The following SHTN1 variants were observed in gnomAD, a reference collection of about 807,000 sequenced individuals.
SHTN1 encodes shootin 1.
Under a neutral mutation model 83.1 loss-of-function variants are expected in SHTN1, and 42 were observed. The observed-to-expected ratio is 0.51, with a 90% CI of 0.39 to 0.65. The LOEUF (loss-of-function observed/expected upper bound fraction) is 0.65. Among genes scored for constraint, SHTN1 ranks in the 30% least tolerant of loss-of-function variants. SHTN1 has a pLI of 0.00. For synonymous variants in SHTN1, 224 were observed against 247.7 expected (o/e 0.90, Z 0.90); for missense variants, 622 against 737.8 (o/e 0.84, Z 1.82).
chr10:117,039,909 C>T (rs538650511), intron 2 of SHTN1, among the ~76,000 whole-genome samples: 3 of 150,842 alleles, frequency 2.0e-5, no homozygotes, highest in African/African-American at 4.9e-5. Context: ...TGAGAGCAGA[C>T]GGTGTTTGGG....
intron 1 of SHTN1, among the ~76,000 whole-genome samples, chr10:116,996,266 T>C (rs1220834110): frequency 6.6e-6 from 1 of 152,194 alleles, no homozygotes. Flanking sequence ...CTACCTGCAA[T>C]CTGGAATGGA....
intron 6 of SHTN1, among the ~76,000 whole-genome samples, chr10:116,951,377 C>T (rs1008977486): frequency 9.9e-5 from 15 of 152,178 alleles, no homozygotes; most frequent in East Asian, 5.8e-4. Flanking sequence ...GAGCTGTGAT[C>T]ATGCCACTGC....
intron 2 of SHTN1, among the ~76,000 whole-genome samples, chr10:117,022,631 CAT>C (rs1396912979): frequency 1.3e-5 from 2 of 152,136 alleles, no homozygotes; most frequent in Admixed American, 6.5e-5. Flanking sequence ...TATCTTAAAA[CAT>C]GTGTAGGCCG....
chr10:117,007,844 C>T (rs1470129325), upstream of SHTN1, among the ~76,000 whole-genome samples: 4 of 151,776 alleles, frequency 2.6e-5, no homozygotes, highest in Non-Finnish European at 5.9e-5. Flanking sequence ...AACCCTGTCT[C>T]TACTAAAAAT....
intron 3 of SHTN1, among the ~76,000 whole-genome samples, chr10:116,964,741 G>A (rs1850328551): frequency 6.6e-6 from 1 of 152,198 alleles, no homozygotes; most frequent in Non-Finnish European, 1.5e-5. Context: ...CCAGCACTTT[G>A]GGAGGCCAAG....
intron 1 of SHTN1, among the ~76,000 whole-genome samples, chr10:117,101,590 G>T (rs546657774): frequency 6.6e-6 from 1 of 152,250 alleles, no homozygotes; most frequent in African/African-American, 2.4e-5. Context: ...CATCTTCTAT[G>T]GTCTCATGAG....
At chr10:116,949,570 C>T (rs1849704372) in intron 6 of SHTN1, among the ~76,000 whole-genome samples, 1 of 152,164 alleles carries the variant, frequency 6.6e-6, no homozygotes, top group African/African-American at 2.4e-5. Context: ...ATGTAAATGA[C>T]AAGTTAATGG....
chr10:117,114,670 C>T (rs1853818953), intron 1 of SHTN1, among the ~76,000 whole-genome samples: 1 of 152,288 alleles, frequency 6.6e-6, no homozygotes, highest in South Asian at 2.1e-4. Flanking sequence ...TGCTCTTCTA[C>T]ACTTCAGCTC....
intron 16 of SHTN1, among the ~76,000 whole-genome samples, chr10:116,892,027 T>C (rs1049800741): frequency 2.6e-5 from 4 of 152,198 alleles, no homozygotes; most frequent in Non-Finnish European, 5.9e-5. Flanking sequence ...CATCAGCCTC[T>C]AGATGCTGAT....
At chr10:116,974,242 A>G in intron 2 of SHTN1, 1 of 552,856 alleles carries the variant, frequency 1.8e-6, no homozygotes, top group Non-Finnish European at 2.3e-6. Context: ...TTAATAAGAG[A>G]CTCATTTTCA....
chr10:116,933,127 C>T (rs1193322170), intron 9 of SHTN1, among the ~76,000 whole-genome samples: 1 of 152,080 alleles, frequency 6.6e-6, no homozygotes, highest in African/African-American at 2.4e-5. Context: ...TCCAGAGGTA[C>T]TCTACATATA....
At chr10:116,981,117 A>G (rs888264401) in intron 1 of SHTN1, among the ~76,000 whole-genome samples, 1 of 152,102 alleles carries the variant, frequency 6.6e-6, no homozygotes, top group Non-Finnish European at 1.5e-5. Context: ...TCAGGAGTTC[A>G]AGACCAGCCT....
intron 15 of SHTN1, among the ~76,000 whole-genome samples, 179 bp downstream of exon 15, chr10:116,906,448 T>C (rs1192094324): frequency 2.0e-5 from 3 of 152,226 alleles, no homozygotes; most frequent in Non-Finnish European, 4.4e-5. Flanking sequence ...TAAATAAAAA[T>C]ATCTAAGAGT....
rs533949816 is a variant in SHTN1 at position 116,948,626 on chromosome 10, A to T, written c.616+290T>A. On this transcript the variant is annotated intron_variant, in intron 7 of 16. Coordinates refer to ENST00000355371, the MANE Select transcript of SHTN1 (RefSeq NM_001127211.3). ...ACATATAAATGCTGAGGGGAGAGCT[A>T]AAAAGGCCATGATCCCTGGATATAT... Among the ~76,000 whole-genome samples the T allele has an allele frequency of 5.9e-5, 9 of 152,292 alleles. No homozygotes were observed. In the South Asian group the frequency reaches 8.3e-4, roughly 14 times the overall value.
At chr10:116,952,829 A>C (rs1327312018) in intron 5 of SHTN1, among the ~76,000 whole-genome samples, 1 of 152,186 alleles carries the variant, frequency 6.6e-6, no homozygotes, top group Non-Finnish European at 1.5e-5. Flanking sequence ...GTTATTTGTA[A>C]ATTAAATCAA....
At chr10:117,109,705 T>C (rs1853735204) in intron 1 of SHTN1, among the ~76,000 whole-genome samples, 1 of 151,562 alleles carries the variant, frequency 6.6e-6, no homozygotes, top group Non-Finnish European at 1.5e-5. Context: ...GCTGGGACTA[T>C]AGGAGTGCGC....
rs568705605 is a variant in SHTN1, at chr10:117,050,567, A to G, written c.-188-2057T>C. On this transcript the variant is annotated intron_variant, in intron 1 of 17. Coordinates refer to the SHTN1 transcript ENST00000392901. ...GCAAACCAAACCCAAAGTTAGAACA[A>G]GTAAGGAAATAATCAATATTAGAGT... 7.4e-4 allele frequency among the ~76,000 whole-genome samples: 112 copies of G among 152,318 alleles called. 2 individuals carry two copies. The South Asian group carries it at 0.022, about 30-fold the overall frequency.
intron 1 of SHTN1, among the ~76,000 whole-genome samples, chr10:116,988,440 G>C (rs1184195389): frequency 6.7e-6 from 1 of 150,370 alleles, no homozygotes; most frequent in Non-Finnish European, 1.5e-5. Context: ...AGAATTCATG[G>C]ATGGGCTTAT....
At chr10:117,029,631 T>C (rs1189519605) in intron 2 of SHTN1, among the ~76,000 whole-genome samples, 2 of 152,146 alleles carry the variant, frequency 1.3e-5, no homozygotes, top group African/African-American at 4.8e-5. Context: ...CTCAGGATAG[T>C]GAGTGCTCGT....
Sources: gnomAD v4.1 joint callset for allele counts (sites outside exome capture counted in the v4.1 genomes callset) on GRCh38, gnomAD v4.1.1 for gene constraint, MANE v1.5 for transcripts, NCBI Gene and HGNC (gene_info 2026-07-23, HGNC 2026-07-21) for gene names.